RUBCN: variants seen among roughly 807,000 people sequenced by gnomAD.
RUBCN encodes run domain Beclin-1-interacting and cysteine-rich domain-containing protein.
A neutral mutation model predicts 113.2 loss-of-function variants in RUBCN; 74 were observed. That is an observed-to-expected ratio of 0.65 (90% CI 0.54 to 0.79). RUBCN has a LOEUF of 0.79. Among genes scored for constraint, RUBCN ranks in the 30% least tolerant of loss-of-function variants. The pLI is 0.00. For missense variants in RUBCN, 1,109 were observed against 1,251.7 expected, an observed-to-expected ratio of 0.89 and a Z score of 1.72; for synonymous variants, 480 against 490.0, an observed-to-expected ratio of 0.98 and a Z score of 0.27.
upstream of RUBCN, chr3:197,737,055 A>C: frequency 3.1e-6 from 2 of 635,956 alleles, no homozygotes; most frequent in Non-Finnish European, 2.1e-6. Context: ...CTCCAATCCC[A>C]GGCCGCTCCC....
intron 11 of RUBCN, among the ~76,000 whole-genome samples, chr3:197,692,185 C>G (rs1002898350): frequency 2.0e-5 from 3 of 151,974 alleles, no homozygotes; most frequent in Admixed American, 6.6e-5. Flanking sequence ...ATCGATGGTG[C>G]CTATATAATG....
At chr3:197,743,710 G>A (rs1728619074) in intron 1 of RUBCN, among the ~76,000 whole-genome samples, 1 of 152,180 alleles carries the variant, frequency 6.6e-6, no homozygotes, top group African/African-American at 2.4e-5. Flanking sequence ...TATTGGCCAG[G>A]CGCGGTGGCT....
chr3:197,749,779 C>A, upstream of RUBCN: 1 of 558,984 alleles, frequency 1.8e-6, no homozygotes, highest in Non-Finnish European at 3.3e-6. Flanking sequence ...AGGAGCGAGT[C>A]ACGGCGCGGG....
chr3:197,742,451 C>T (rs1728563811), intron 1 of RUBCN, among the ~76,000 whole-genome samples: 1 of 152,118 alleles, frequency 6.6e-6, no homozygotes, highest in Non-Finnish European at 1.5e-5. Context: ...CGAGATCCCA[C>T]CACTGCACTC....
chr3:197,690,391 T>C (rs531086549), intron 11 of RUBCN, among the ~76,000 whole-genome samples: 1 of 152,196 alleles, frequency 6.6e-6, no homozygotes, highest in South Asian at 2.1e-4. Flanking sequence ...TGAGCCGAGA[T>C]TGCGCCATTG....
At chr3:197,705,323 G>A (rs1724172194) in intron 2 of RUBCN, 148 bp from the exon 3 acceptor site, 1 of 746,852 alleles carries the variant, frequency 1.3e-6, no homozygotes, top group African/African-American at 1.7e-5. Context: ...TACACACAGA[G>A]GCCAGGGGTG....
chr3:197,677,556 A>G lies in RUBCN; in HGVS notation c.2431-15T>C, dbSNP rs1560399436. 1 of 1,613,124 alleles carries G rather than the reference A, an allele frequency of 6.2e-7. No homozygotes were observed. Among genetic ancestry groups the G allele is most frequent in the Non-Finnish European group, 8.5e-7 (1 of 1,179,342 alleles). ...ACCCGCAGCAGCTGAAAAGAAAGAG[A>G]GGGGGGCAGGAGTGGGAGGGAGATG... On this transcript the variant is annotated splice_polypyrimidine_tract_variant and intron_variant, in intron 16 of 19. Transcript: ENST00000296343.
rs560602105 is a variant in RUBCN at position 197,736,869 on chromosome 3, G to T, written c.-150C>A. On this transcript the variant is annotated 5_prime_UTR_variant, in exon 1 of 20. Transcript: ENST00000296343. ...ACACCCGGGCGGCGACAGCGGGAGG[G>T]ACCGCCGCCTGGGCTGCGGCTTCTA... The T allele has an allele frequency of 5.1e-6, 7 of 1,376,132 alleles. No homozygotes were observed. Among genetic ancestry groups the T allele is most frequent in the East Asian group, 3.0e-5 (1 of 33,432 alleles). 85.2% of individuals were successfully genotyped at this position (1,376,132 alleles called of 1,614,324 possible). A position where few individuals can be genotyped will look rare whatever the true frequency, so the allele number is the denominator to read the frequency against.
Position 197,681,015 on chromosome 3 carries a change from T to C in RUBCN, c.2430+114A>G, listed in dbSNP as rs1220539376. Reference sequence around the variant, plus strand: ...AAGGAGAGGAGACGAGGGGAGGGGATGGGGGGAGGGGACAAGAGGAGGGGA... The same window carrying C: ...AAGGAGAGGAGACGAGGGGAGGGGACGGGGGGAGGGGACAAGAGGAGGGGA... On this transcript the variant is annotated intron_variant, in intron 16 of 19. Coordinates refer to ENST00000296343, the MANE Select transcript of RUBCN (RefSeq NM_014687.4). This position sits in a 1 kb window ranked among gnomAD's most constrained non-coding sequence, Gnocchi z 5.5. The C allele has an allele frequency of 1.1e-4, 57 of 517,034 alleles. No homozygotes were observed. Among genetic ancestry groups the C allele is most frequent in the South Asian group, 5.5e-4 (33 of 60,236 alleles). 32.0% of individuals were successfully genotyped at this position (517,034 alleles called of 1,614,324 possible).
At chr3:197,687,189 C>G (rs1188952702) in intron 11 of RUBCN, among the ~76,000 whole-genome samples, 2 of 152,188 alleles carry the variant, frequency 1.3e-5, no homozygotes, top group Middle Eastern at 3.2e-3. Flanking sequence ...GGGAATCCAA[C>G]TTCAACACAT....
At chr3:197,747,659 A>G (rs1728807205) in intron 1 of RUBCN, among the ~76,000 whole-genome samples, 1 of 152,134 alleles carries the variant, frequency 6.6e-6, no homozygotes, top group South Asian at 2.1e-4. Context: ...AACTTAACCT[A>G]AGGATCCTCT....
chr3:197,717,296 T>C (rs961068129), intron 2 of RUBCN, among the ~76,000 whole-genome samples: 6 of 151,306 alleles, frequency 4.0e-5, no homozygotes, highest in Non-Finnish European at 7.4e-5. Context: ...TAGAAAAAAT[T>C]AGCCGGGCCT....
Position 197,681,736 on chromosome 3 carries a change from C to T in RUBCN, c.2191+99G>A. 1 of 1,076,034 alleles carries T rather than the reference C, an allele frequency of 9.3e-7. No homozygotes were observed. Among genetic ancestry groups the T allele is most frequent in the Non-Finnish European group, 1.4e-6 (1 of 692,026 alleles). 66.7% of individuals were successfully genotyped at this position (1,076,034 alleles called of 1,614,324 possible). On this transcript the variant is annotated intron_variant, in intron 15 of 19. Coordinates refer to ENST00000296343, the MANE Select transcript of RUBCN (RefSeq NM_014687.4). This position sits in a 1 kb window ranked among gnomAD's most constrained non-coding sequence, Gnocchi z 5.5. ...TTTCTCCTTCCCTACTTCTGCCACG[C>T]CACCTCCTGCTACCGCCTTTGACAC...
At chr3:197,709,028 G>A (rs1724651335) in intron 2 of RUBCN, among the ~76,000 whole-genome samples, 2 of 152,062 alleles carry the variant, frequency 1.3e-5, no homozygotes, top group African/African-American at 4.8e-5. Flanking sequence ...GTTTATATAA[G>A]AAAGATGATA....
chr3:197,721,718 T>A (rs199866155), intron 1 of RUBCN, among the ~76,000 whole-genome samples: 1 of 152,168 alleles, frequency 6.6e-6, no homozygotes, highest in East Asian at 1.9e-4. Context: ...GATATAGATG[T>A]TAATTGCTAT....
chr3:197,730,389 G>C (rs1336598418), intron 1 of RUBCN, among the ~76,000 whole-genome samples: 1 of 152,152 alleles, frequency 6.6e-6, no homozygotes, highest in Non-Finnish European at 1.5e-5. Context: ...TGCTGGAGCT[G>C]CTGGGACTGC....
chr3:197,746,896 G>C (rs1258720301), intron 1 of RUBCN, among the ~76,000 whole-genome samples: 3 of 151,906 alleles, frequency 2.0e-5, no homozygotes, highest in African/African-American at 7.3e-5. Context: ...TTCAAGCTGT[G>C]TGAAGATAGG....
intron 2 of RUBCN, among the ~76,000 whole-genome samples, chr3:197,714,386 T>C (rs576762048): frequency 2.0e-5 from 3 of 152,260 alleles, no homozygotes; most frequent in East Asian, 1.9e-4. Flanking sequence ...AGTGGCACAA[T>C]CATAGCTCAC....
intron 2 of RUBCN, among the ~76,000 whole-genome samples, chr3:197,714,738 G>A (rs1202552347): frequency 2.6e-5 from 4 of 152,174 alleles, no homozygotes; most frequent in Admixed American, 6.5e-5. Flanking sequence ...GTTCCAGGTA[G>A]TTATACGAGG....
Sources: gnomAD v4.1 joint callset for allele counts (sites outside exome capture counted in the v4.1 genomes callset) on GRCh38, gnomAD v4.1.1 for gene constraint, Gnocchi (gnomAD v3.1) non-coding constraint, MANE v1.5 for transcripts, NCBI Gene and HGNC (gene_info 2026-07-23, HGNC 2026-07-21) for gene names.